The following ZFHX3 variants were observed in gnomAD, a reference collection of about 807,000 sequenced individuals.
ZFHX3 encodes zinc finger homeobox 3, also known as zinc finger homeobox protein 3.
A neutral mutation model predicts 279.1 loss-of-function variants in ZFHX3; 42 were observed. The ratio of observed to expected loss-of-function variants is 0.15; its 90% CI spans 0.12 to 0.19. ZFHX3 has a LOEUF of 0.19. ZFHX3 is among the 10% of genes least tolerant of loss of function. The pLI, the probability that ZFHX3 is intolerant of heterozygous loss-of-function variation, is 1.00. For missense variants in ZFHX3, 4,981 were observed against 4,754.0 expected (o/e 1.05, Z -1.40); for synonymous variants, 2,293 against 1,957.8 (o/e 1.17, Z -4.52).
intron 4 of ZFHX3, among the ~76,000 whole-genome samples, chr16:72,873,635 C>T (rs371306656): frequency 3.9e-5 from 6 of 152,198 alleles, no homozygotes; most frequent in South Asian, 4.2e-4. Context: ...ACTTCAAGTT[C>T]GCCAATTTTT....
chr16:73,117,027 T>G (rs1404464875), intron 7 of ZFHX3, among the ~76,000 whole-genome samples: 1 of 152,168 alleles, frequency 6.6e-6, no homozygotes, highest in Non-Finnish European at 1.5e-5. Flanking sequence ...GCTATTGTCT[T>G]TATTTCCTAC....
intron 4 of ZFHX3, among the ~76,000 whole-genome samples, chr16:73,278,858 T>C (rs185528627): frequency 2.4e-3 from 369 of 152,286 alleles, no homozygotes; most frequent in Admixed American, 4.2e-3. Context: ...TACAGAGTGC[T>C]GATTGGTGCA....
intron 7 of ZFHX3, among the ~76,000 whole-genome samples, chr16:73,116,010 C>T (rs1966428446): frequency 6.6e-6 from 1 of 151,972 alleles, no homozygotes; most frequent in African/African-American, 2.4e-5. Flanking sequence ...ATCCCAGCTA[C>T]TCAGGAGGCT....
chr16:73,581,715 G>A (rs558467021), intron 2 of ZFHX3, among the ~76,000 whole-genome samples: 1 of 125,316 alleles, frequency 8.0e-6, no homozygotes, highest in Admixed American at 1.0e-4. Flanking sequence ...CTGTTGCCCA[G>A]GCTGGAGTGC....
intron 1 of ZFHX3, among the ~76,000 whole-genome samples, chr16:73,034,317 G>A (rs1002414108): frequency 6.6e-6 from 1 of 152,170 alleles, no homozygotes; most frequent in Non-Finnish European, 1.5e-5. Flanking sequence ...ACTAAGAGAA[G>A]AAGGCGAGGG....
chr16:73,335,543 G>A (rs973199432), intron 3 of ZFHX3, among the ~76,000 whole-genome samples: 3 of 152,146 alleles, frequency 2.0e-5, no homozygotes. Context: ...AACAAACTCA[G>A]ATACAACTCT....
chr16:73,616,554 T>C (rs987349006), intron 2 of ZFHX3, among the ~76,000 whole-genome samples: 1 of 151,238 alleles, frequency 6.6e-6, no homozygotes, highest in Non-Finnish European at 1.5e-5. Flanking sequence ...AGTGGACCTA[T>C]TGTTCCTGTG....
At chr16:73,183,932 A>G (rs576404201) in intron 5 of ZFHX3, among the ~76,000 whole-genome samples, 40 of 152,100 alleles carry the variant, frequency 2.6e-4, no homozygotes, top group Non-Finnish European at 5.7e-4. Flanking sequence ...GGAGCCCTTT[A>G]AATTAAAAAC....
chr16:72,968,173 C>T (rs1961937771), intron 1 of ZFHX3, among the ~76,000 whole-genome samples: 1 of 151,876 alleles, frequency 6.6e-6, no homozygotes, highest in African/African-American at 2.4e-5. Context: ...CCCTGGTGTT[C>T]CTGTCAAAAA....
At chr16:72,891,512 G>C (rs1407377647) in intron 3 of ZFHX3, among the ~76,000 whole-genome samples, 1 of 152,192 alleles carries the variant, frequency 6.6e-6, no homozygotes, top group African/African-American at 2.4e-5. Context: ...ACCTGGTGTA[G>C]AAAGGCCATC....
chr16:73,340,658 G>T (rs1388387776), intron 3 of ZFHX3, among the ~76,000 whole-genome samples: 2 of 152,224 alleles, frequency 1.3e-5, no homozygotes, highest in African/African-American at 4.8e-5. Flanking sequence ...TTATAGGCGT[G>T]AGCCACCGTG....
At chr16:72,906,146 G>C (rs540057001) in intron 3 of ZFHX3, among the ~76,000 whole-genome samples, 1 of 152,050 alleles carries the variant, frequency 6.6e-6, no homozygotes, top group African/African-American at 2.4e-5. Context: ...TCGATCCAAA[G>C]ATGCCGCCTC....
intron 2 of ZFHX3, among the ~76,000 whole-genome samples, chr16:72,951,711 A>G (rs539124979): frequency 2.0e-5 from 3 of 152,338 alleles, no homozygotes; most frequent in South Asian, 4.1e-4. Flanking sequence ...CCAAGCCTTC[A>G]TGGGGAACCA....
intron 1 of ZFHX3, chr16:73,808,333 T>C (rs1597124995): frequency 6.6e-6 from 1 of 152,254 alleles, no homozygotes; most frequent in East Asian, 1.9e-4. Flanking sequence ...GTTGAAATTC[T>C]TGTTTTCTTG....
intron 1 of ZFHX3, among the ~76,000 whole-genome samples, chr16:73,746,413 C>T (rs1021509986): frequency 6.6e-6 from 1 of 152,184 alleles, no homozygotes; most frequent in African/African-American, 2.4e-5. Flanking sequence ...GGCTTGATAG[C>T]ACTTAGTTTT....
At chr16:73,418,300 G>A (rs2017637242) in intron 3 of ZFHX3, among the ~76,000 whole-genome samples, 1 of 152,168 alleles carries the variant, frequency 6.6e-6, no homozygotes, top group Non-Finnish European at 1.5e-5. Context: ...GTGGTACCAG[G>A]ACTTCTGTTG....
intron 1 of ZFHX3, among the ~76,000 whole-genome samples, chr16:73,012,710 A>G (rs1407776017): frequency 6.6e-6 from 1 of 152,172 alleles, no homozygotes; most frequent in African/African-American, 2.4e-5. Flanking sequence ...TTTCCATCCC[A>G]AATTTTGAGA....
chr16:73,564,108 G>A (rs1209169881), intron 2 of ZFHX3, among the ~76,000 whole-genome samples: 1 of 152,166 alleles, frequency 6.6e-6, no homozygotes, highest in Non-Finnish European at 1.5e-5. Flanking sequence ...GACTAGCGAG[G>A]GTGAGGGAGT....
chr16:73,522,061 C>T lies in ZFHX3; in HGVS notation c.-1546-65803G>A, dbSNP rs140255667. 5.2e-3 allele frequency among the ~76,000 whole-genome samples: 786 copies of T among 152,236 alleles called. 25 individuals are homozygous for T. The highest frequency in any genetic ancestry group is 0.041 in the Admixed American group (632 of 15,274). ...AAGCTCTGATTGTCAGTTATATATG[C>T]CTTTACTTAATGAATATAGGAAAGA... is the stretch of plus-strand genomic sequence containing the variant. On this transcript the variant is annotated intron_variant, in intron 2 of 17. Transcript: ENST00000641206.
Sources: gnomAD v4.1 joint callset for allele counts (sites outside exome capture counted in the v4.1 genomes callset) on GRCh38, gnomAD v4.1.1 for gene constraint, MANE v1.5 for transcripts, NCBI Gene and HGNC (gene_info 2026-07-23, HGNC 2026-07-21) for gene names.